The following UNC13C variants were observed in gnomAD, a reference collection of about 807,000 sequenced individuals.
The protein encoded by UNC13C is protein unc-13 homolog C.
UNC13C carries 174 observed loss-of-function variants against 245.4 expected under a neutral mutation model. The ratio of observed to expected loss-of-function variants is 0.71; its 90% CI spans 0.63 to 0.80. The LOEUF (loss-of-function observed/expected upper bound fraction) is 0.80, where lower values mean the gene tolerates loss of function less well. UNC13C is among the 30% of genes least tolerant of loss of function. The pLI, the probability that UNC13C is intolerant of heterozygous loss-of-function variation, is 0.00. For missense variants in UNC13C, 2,829 were observed against 2,602.9 expected (o/e 1.09, Z -1.89); for synonymous variants, 992 against 895.1 (o/e 1.11, Z -1.93).
intron 31 of UNC13C, among the ~76,000 whole-genome samples, chr15:54,623,523 AGAG>A (rs1308148757): frequency 1.3e-5 from 2 of 152,170 alleles, no homozygotes; most frequent in Non-Finnish European, 2.9e-5. Flanking sequence ...GTTTTTACCA[AGAG>A]GAGGAGAGTG....
the UNC13C span, among the ~76,000 whole-genome samples, chr15:53,854,228 C>A: frequency 1.3e-5 from 2 of 148,868 alleles, no homozygotes; most frequent in Non-Finnish European, 1.5e-5. Context: ...TCAAGTGATT[C>A]TCTTGCCTCA....
At chr15:53,878,538 C>G in the UNC13C span, among the ~76,000 whole-genome samples, 14 of 152,166 alleles carry the variant, frequency 9.2e-5, no homozygotes, top group Non-Finnish European at 7.3e-5. Context: ...CCATAAGGGC[C>G]TGGCTGGGGT....
chr15:54,047,895 T>C (rs1897108734), intron 2 of UNC13C, among the ~76,000 whole-genome samples: 1 of 152,142 alleles, frequency 6.6e-6, no homozygotes, highest in African/African-American at 2.4e-5. Flanking sequence ...GATTCAGGGA[T>C]GAAATAATGG....
chr15:53,934,371 T>C, the UNC13C span, among the ~76,000 whole-genome samples: 2 of 152,224 alleles, frequency 1.3e-5, no homozygotes, highest in Non-Finnish European at 2.9e-5. Context: ...CTCTGTAATC[T>C]GGTGTAGTAG....
intron 19 of UNC13C, among the ~76,000 whole-genome samples, chr15:54,435,775 A>G (rs1036569880): frequency 6.6e-6 from 1 of 151,670 alleles, no homozygotes; most frequent in Non-Finnish European, 1.5e-5. Context: ...AGAAACTATC[A>G]TCAGAGTGAA....
chr15:54,055,627 G>A (rs963127656), intron 2 of UNC13C, among the ~76,000 whole-genome samples: 1 of 152,110 alleles, frequency 6.6e-6, no homozygotes, highest in Non-Finnish European at 1.5e-5. Context: ...AAAGTGTTAA[G>A]CATTACTTCT....
chr15:54,005,557 C>A (rs1895098059), intron 1 of UNC13C, among the ~76,000 whole-genome samples: 1 of 152,090 alleles, frequency 6.6e-6, no homozygotes, highest in Non-Finnish European at 1.5e-5. Context: ...ATATAATAGA[C>A]ATTAAAAATG....
At chr15:54,278,041 G>A (rs2036879459) in intron 10 of UNC13C, among the ~76,000 whole-genome samples, 1 of 152,032 alleles carries the variant, frequency 6.6e-6, no homozygotes, top group Non-Finnish European at 1.5e-5. Context: ...GATCAGCGTG[G>A]CATGCAACTC....
chr15:54,538,755 A>AGG (rs201825954), intron 26 of UNC13C, among the ~76,000 whole-genome samples: 5,672 of 152,204 alleles, frequency 0.037, 351 homozygotes, highest in African/African-American at 0.13. Context: ...ACAGGAAACC[A>AGG]AATACTGCAT....
At chr15:54,412,230 G>A (rs553064485) in intron 18 of UNC13C, among the ~76,000 whole-genome samples, 6 of 151,934 alleles carry the variant, frequency 3.9e-5, no homozygotes, top group African/African-American at 1.2e-4. Flanking sequence ...AAAAGTGCCC[G>A]AGACTGAGTA....
intron 19 of UNC13C, among the ~76,000 whole-genome samples, chr15:54,453,322 C>T (rs759526716): frequency 6.6e-6 from 1 of 152,108 alleles, no homozygotes; most frequent in Non-Finnish European, 1.5e-5. Flanking sequence ...CTTCTCTGTC[C>T]TTCCTTCTTT....
chr15:54,336,805 G>A (rs1400721084), intron 16 of UNC13C, among the ~76,000 whole-genome samples: 1 of 151,946 alleles, frequency 6.6e-6, no homozygotes, highest in Non-Finnish European at 1.5e-5. Flanking sequence ...GTCTATTTCT[G>A]AACTCTCTAT....
intron 17 of UNC13C, among the ~76,000 whole-genome samples, chr15:54,350,353 A>T (rs2038954703): frequency 6.6e-6 from 1 of 152,234 alleles, no homozygotes; most frequent in East Asian, 1.9e-4. Flanking sequence ...ACTGAAAAAA[A>T]TAGGCAAACA....
At chr15:53,983,916 C>G (rs1007837977) in intron 1 of UNC13C, among the ~76,000 whole-genome samples, 1 of 152,012 alleles carries the variant, frequency 6.6e-6, no homozygotes, top group African/African-American at 2.4e-5. Context: ...TATTCAGTTA[C>G]TCTTGTTTTC....
the UNC13C span, among the ~76,000 whole-genome samples, chr15:53,957,984 T>G: frequency 6.6e-6 from 1 of 152,146 alleles, no homozygotes; most frequent in East Asian, 1.9e-4. Context: ...TTTTTTTGTG[T>G]TTTTTTGGTC....
chr15:54,045,608 A>G (rs1407183622), intron 2 of UNC13C, among the ~76,000 whole-genome samples: 1 of 152,218 alleles, frequency 6.6e-6, no homozygotes, highest in African/African-American at 2.4e-5. Flanking sequence ...GTGGTGAGTC[A>G]TACCAATGGG....
chr15:54,089,999 G>A (rs1899475671), intron 2 of UNC13C, among the ~76,000 whole-genome samples: 1 of 151,938 alleles, frequency 6.6e-6, no homozygotes. Flanking sequence ...TTACTGGGAA[G>A]GACTCTGGCA....
intron 2 of UNC13C, among the ~76,000 whole-genome samples, chr15:54,052,529 G>C (rs1274019323): frequency 6.6e-6 from 1 of 152,174 alleles, no homozygotes; most frequent in Non-Finnish European, 1.5e-5. Context: ...AATCTCACTT[G>C]CTGACTTTGA....
chr15:53,845,125 A>T, the UNC13C span, among the ~76,000 whole-genome samples: 10 of 152,194 alleles, frequency 6.6e-5, no homozygotes, highest in Non-Finnish European at 1.2e-4. Context: ...GGAGTTCGAG[A>T]CTAGCCTGGC....
Sources: allele counts gnomAD v4.1 joint callset (sites outside exome capture counted in the v4.1 genomes callset), GRCh38; gene constraint gnomAD v4.1.1; transcripts MANE v1.5; gene names NCBI Gene and HGNC (gene_info 2026-07-23, HGNC 2026-07-21).